The following ITPR2 variants were observed in gnomAD, a reference collection of about 807,000 sequenced individuals.
ITPR2 encodes the protein inositol 1,4,5-trisphosphate-gated calcium channel ITPR2.
A neutral mutation model predicts 317.1 loss-of-function variants in ITPR2; 207 were observed. That is an observed-to-expected ratio of 0.65 (90% CI 0.58 to 0.73). The LOEUF (loss-of-function observed/expected upper bound fraction) is 0.73. Among genes scored for constraint, ITPR2 ranks in the 30% least tolerant of loss-of-function variants. The probability of loss-of-function intolerance (pLI) is 0.00; values close to 1 mark genes in which losing one functional copy is unlikely to be tolerated. For missense variants in ITPR2, 2,613 were observed against 3,284.0 expected (o/e 0.80, Z 4.99); for synonymous variants, 1,156 against 1,149.1 (o/e 1.01, Z -0.12).
chr12:26,382,988 A>G (rs1939554035), intron 55 of ITPR2, among the ~76,000 whole-genome samples: 1 of 152,150 alleles, frequency 6.6e-6, no homozygotes, highest in African/African-American at 2.4e-5. Context: ...TTGAAATTTG[A>G]TCCCTGGTGT....
intron 54 of ITPR2, among the ~76,000 whole-genome samples, chr12:26,389,451 C>T (rs1213990288): frequency 1.3e-5 from 2 of 151,204 alleles, no homozygotes; most frequent in African/African-American, 4.9e-5. Context: ...CTGTTCTCTC[C>T]CTTGCTACCT....
chr12:26,822,749 C>T (rs777528816), intron 1 of ITPR2, among the ~76,000 whole-genome samples: 1 of 152,206 alleles, frequency 6.6e-6, no homozygotes, highest in Non-Finnish European at 1.5e-5. Flanking sequence ...GTACTAGCCT[C>T]ATTATCTCAG....
At chr12:26,613,359 A>AAT (rs1946313364) in intron 26 of ITPR2, among the ~76,000 whole-genome samples, 1 of 152,248 alleles carries the variant, frequency 6.6e-6, no homozygotes, top group Non-Finnish European at 1.5e-5. Context: ...AGAAAATGAC[A>AAT]AAGTGCAGAG....
intron 32 of ITPR2, among the ~76,000 whole-genome samples, chr12:26,586,069 C>T (rs1945517602): frequency 6.6e-6 from 1 of 152,130 alleles, no homozygotes; most frequent in Non-Finnish European, 1.5e-5. Flanking sequence ...CTTATAAATA[C>T]ATATAAGTTC....
chr12:26,465,993 G>A (rs2136796565), intron 45 of ITPR2, among the ~76,000 whole-genome samples: 1 of 152,278 alleles, frequency 6.6e-6, no homozygotes, highest in African/African-American at 2.4e-5. Context: ...AGTAGGATAA[G>A]TCTATTTTCT....
In ITPR2 at chr12:26,427,925, A is replaced by G. The variant is rs769037241; in HGVS notation, c.6933T>C (p.Leu2311=). ...TIGLGPTLIL[L]GAANLCNKIV... ...GTAAAGTACTTACATTAGCTGCACC[A>G]AGAAGTATTAATGTAGGCCCAAGAC... The change falls in exon 49 of 57, where the codon CTT becomes CTC. Residue 2311 remains leucine (L), a synonymous_variant. Transcript: ENST00000381340. 50 of 1,576,884 alleles carry G rather than the reference A, an allele frequency of 3.2e-5. No homozygotes were observed. Among genetic ancestry groups the G allele is most frequent in the Non-Finnish European group, 4.3e-5 (50 of 1,163,322 alleles).
At chr12:26,409,998 G>A (rs540630587) in intron 52 of ITPR2, among the ~76,000 whole-genome samples, 1 of 152,254 alleles carries the variant, frequency 6.6e-6, no homozygotes, top group South Asian at 2.1e-4. Flanking sequence ...GTGAAGAATG[G>A]CATTTTAGCC....
intron 37 of ITPR2, among the ~76,000 whole-genome samples, chr12:26,520,237 A>T (rs561624214): frequency 1.3e-5 from 2 of 152,324 alleles, no homozygotes; most frequent in Admixed American, 1.3e-4. Context: ...TTTATGGATC[A>T]CATTTCTACT....
chr12:26,751,865 A>C (rs1171962617), intron 2 of ITPR2, among the ~76,000 whole-genome samples: 3 of 134,374 alleles, frequency 2.2e-5, no homozygotes, highest in African/African-American at 3.3e-5. Flanking sequence ...GACTCTATCT[A>C]AAAAAAAAAA....
chr12:26,691,376 C>T lies in ITPR2; in HGVS notation c.996+4230G>A, dbSNP rs148811237. Among the ~76,000 whole-genome samples the T allele has an allele frequency of 5.7e-3, 869 of 152,208 alleles. 5 individuals are homozygous for T. The highest frequency in any genetic ancestry group is 0.02 in the African/African-American group (831 of 41,526). ...CCCACACCGAATCACAGAAGCGCAA[C>T]GCCCTCTCTCTTCAGCATGAAAATA... is the stretch of plus-strand genomic sequence containing the variant. On this transcript the variant is annotated intron_variant, in intron 10 of 56. Coordinates refer to ENST00000381340, the MANE Select transcript of ITPR2 (RefSeq NM_002223.4).
intron 43 of ITPR2, among the ~76,000 whole-genome samples, chr12:26,478,858 T>C (rs79124443): frequency 0.01 from 1,539 of 152,166 alleles, 28 homozygotes; most frequent in African/African-American, 0.035. Flanking sequence ...GAAAAAGTAA[T>C]AGAATCTCAT....
At chr12:26,431,820 T>C (rs1031755654) in intron 48 of ITPR2, among the ~76,000 whole-genome samples, 4 of 152,148 alleles carry the variant, frequency 2.6e-5, no homozygotes, top group African/African-American at 9.7e-5. Flanking sequence ...GGAAATATAA[T>C]TGGAGGAAGC....
intron 37 of ITPR2, among the ~76,000 whole-genome samples, chr12:26,515,526 A>T (rs1473211586): frequency 1.3e-5 from 2 of 152,164 alleles, no homozygotes. Flanking sequence ...AAGAAGGAGA[A>T]GAAAATAAAA....
At chr12:26,522,498 A>C (rs1943691163) in intron 37 of ITPR2, among the ~76,000 whole-genome samples, 1 of 152,186 alleles carries the variant, frequency 6.6e-6, no homozygotes. Context: ...GTGGAAGAAA[A>C]CATCTAAGAT....
intron 54 of ITPR2, among the ~76,000 whole-genome samples, chr12:26,393,479 G>A (rs2136639213): frequency 6.6e-6 from 1 of 152,226 alleles, no homozygotes; most frequent in South Asian, 2.1e-4. Context: ...TTTAAGGGAA[G>A]GGAGCAGAAA....
At position 26,472,190 on chromosome 12, in the gene ITPR2, G is replaced by A. The variant is rs186013973; in HGVS notation, c.6342+3106C>T. ...TTGTGTCACTATAATAGAATAAGCG[G>A]ACAATTGCTTAACTCTACACTGTCA... On this transcript the variant is annotated intron_variant, in intron 45 of 56. Transcript: ENST00000381340. Among the ~76,000 whole-genome samples the A allele has an allele frequency of 6.6e-5, 10 of 152,258 alleles. No homozygotes were observed. In the East Asian group the frequency reaches 1.9e-3, roughly 29 times the overall value.
intron 39 of ITPR2, among the ~76,000 whole-genome samples, chr12:26,493,439 C>A (rs1157920094): frequency 6.6e-6 from 1 of 152,148 alleles, no homozygotes; most frequent in African/African-American, 2.4e-5. Flanking sequence ...CTAGAAAGAG[C>A]AGGCTACCGA....
In ITPR2 at chr12:26,772,555, CATGT is replaced by C. The variant is rs1565752417; in HGVS notation, c.163+17598_163+17601del. On this transcript the variant is annotated intron_variant, in intron 2 of 56. Transcript: ENST00000381340. ...TAATACATGTATTATATATATAATA[CATGT>C]ATTATATATATATATGTATCTTATC... Among the ~76,000 whole-genome samples the C allele has an allele frequency of 5.4e-4, 71 of 130,596 alleles. 1 individual carries two copies. Among genetic ancestry groups the C allele is most frequent in the Middle Eastern group, 4.0e-3 (1 of 250 alleles). 85.7% of individuals were successfully genotyped at this position (130,596 alleles called of 152,430 possible). A position where few individuals can be genotyped will look rare whatever the true frequency, so the allele number is the denominator to read the frequency against.
Position 26,752,653 on chromosome 12 carries a change from A to G in ITPR2, c.164-26888T>C, listed in dbSNP as rs180948278. 2.7e-3 allele frequency among the ~76,000 whole-genome samples: 416 copies of G among 152,298 alleles called. 2 individuals carry two copies. The highest frequency in any genetic ancestry group is 6.2e-3 in the Admixed American group (95 of 15,304). On this transcript the variant is annotated intron_variant, in intron 2 of 56. Coordinates refer to ENST00000381340, the MANE Select transcript of ITPR2 (RefSeq NM_002223.4). ...TGCTGCACTTGGGGCTGCTCTGTCT[A>G]TGGGGTAGCCATTGTTTTATGCCTT...
Sources: allele counts gnomAD v4.1 joint callset (sites outside exome capture counted in the v4.1 genomes callset), GRCh38; gene constraint gnomAD v4.1.1; transcripts MANE v1.5; gene names NCBI Gene and HGNC (gene_info 2026-07-23, HGNC 2026-07-21).